Variants in RPN2 observed in about 807,000 individuals in gnomAD.
RPN2 encodes dolichyl-diphosphooligosaccharide--protein glycosyltransferase subunit 2.
In RPN2, 29 loss-of-function variants were observed where a neutral mutation model predicts 71.4. The ratio of observed to expected loss-of-function variants is 0.41; its 90% CI spans 0.30 to 0.55. The LOEUF (loss-of-function observed/expected upper bound fraction) is 0.55, where lower values mean the gene tolerates loss of function less well. RPN2 is among the 20% of genes least tolerant of loss of function. The probability of loss-of-function intolerance (pLI) is 0.35; values close to 1 mark genes in which losing one functional copy is unlikely to be tolerated. For missense variants in RPN2, 726 were observed against 774.1 expected (o/e 0.94, Z 0.74); for synonymous variants, 308 against 305.0 (o/e 1.01, Z -0.10).
At chr20:37,228,805 T>C (rs758933814) in intron 12 of RPN2, 61 bp downstream of exon 12, 1 of 1,531,216 alleles carries the variant, frequency 6.5e-7, no homozygotes, top group Non-Finnish European at 9.0e-7. Context: ...CACTGGTGGC[T>C]CTTTTTCAGG....
intron 9 of RPN2, among the ~76,000 whole-genome samples, chr20:37,216,121 C>G (rs1476052384): frequency 1.3e-5 from 2 of 152,110 alleles, no homozygotes; most frequent in African/African-American, 4.8e-5. Flanking sequence ...GGCGGATCAC[C>G]TGAGGTCAGG....
chr20:37,223,450 A>G (rs533139268), intron 9 of RPN2, among the ~76,000 whole-genome samples: 177 of 152,282 alleles, frequency 1.2e-3, no homozygotes, highest in Non-Finnish European at 1.9e-3. Flanking sequence ...AATTGTGAGG[A>G]TTAAATGAGA....
In RPN2 at chr20:37,204,080, C is replaced by A. The variant is rs186998875; in HGVS notation, c.555+120C>A. 363 of 745,244 alleles carry A rather than the reference C, an allele frequency of 4.9e-4. 5 individuals are homozygous for A. In the East Asian group the frequency reaches 9.2e-3, roughly 19 times the overall value. 46.2% of individuals were successfully genotyped at this position (745,244 alleles called of 1,614,324 possible). Reference sequence around the variant, plus strand: ...GTTACATTGCTTCTTATATCCATGGCACACTTGTGTTCTTTGTATTAAGGT... The same window carrying A: ...GTTACATTGCTTCTTATATCCATGGAACACTTGTGTTCTTTGTATTAAGGT... On this transcript the variant is annotated intron_variant, in intron 5 of 16. Coordinates refer to ENST00000237530, the MANE Select transcript of RPN2 (RefSeq NM_002951.5).
At chr20:37,201,591 A>G (rs1265183528) in intron 4 of RPN2, among the ~76,000 whole-genome samples, 1 of 152,178 alleles carries the variant, frequency 6.6e-6, no homozygotes, top group African/African-American at 2.4e-5. Context: ...TTGGAGCAGA[A>G]AGAACTGTGT....
chr20:37,180,681 C>T (rs1439685469), intron 1 of RPN2, among the ~76,000 whole-genome samples: 2 of 152,302 alleles, frequency 1.3e-5, no homozygotes, highest in East Asian at 3.9e-4. Context: ...TCTTTCTGTC[C>T]ATTAGCAGTT....
chr20:37,187,938 C>A (rs577245552), intron 2 of RPN2, among the ~76,000 whole-genome samples: 26 of 152,206 alleles, frequency 1.7e-4, no homozygotes, highest in Non-Finnish European at 2.9e-4. Context: ...CCACTGCGCC[C>A]AGCCCCTTGA....
At chr20:37,185,324 A>G (rs958899520) in intron 2 of RPN2, among the ~76,000 whole-genome samples, 7 of 151,704 alleles carry the variant, frequency 4.6e-5, no homozygotes, top group African/African-American at 1.5e-4. Context: ...TTCGTTAGAG[A>G]TGGGGTTTTG....
At chr20:37,208,444 A>G (rs187458079) in intron 7 of RPN2, among the ~76,000 whole-genome samples, 3 of 152,138 alleles carry the variant, frequency 2.0e-5, no homozygotes, top group East Asian at 1.9e-4. Flanking sequence ...CGGTCTCGCT[A>G]TGTCGCGCAG....
At position 37,223,901 on chromosome 20, in the gene RPN2, A is replaced by C. The variant is rs1456207927; in HGVS notation, c.1116A>C (p.Glu372Asp). 1.2e-6 allele frequency: 2 copies of C among 1,614,138 alleles called. No individual in the cohort carries two copies. The highest frequency in any genetic ancestry group is 1.7e-6 in the Non-Finnish European group (2 of 1,179,982). The change falls in exon 10 of 17, where the codon GAA becomes GAC. Residue 372 changes from glutamate to aspartate, a missense_variant. By Grantham distance (45) the Glu-to-Asp change is conservative. Transcript: ENST00000237530. ...AGCTCAGAGTCAAGATCTCCACTGA[A>C]GTTGGCATCACAAATGTTGATCTTT... ...TVELRVKISTEVGITNVDLST... is the reference protein window; with the variant it reads ...TVELRVKISTDVGITNVDLST...
intron 8 of RPN2, among the ~76,000 whole-genome samples, chr20:37,212,596 G>C (rs1055539053): frequency 2.0e-5 from 3 of 151,760 alleles, no homozygotes; most frequent in African/African-American, 7.3e-5. Flanking sequence ...TTCTGCCTCA[G>C]CTTCCTAAGT....
At chr20:37,236,195 C>T (rs1217773107) in intron 15 of RPN2, among the ~76,000 whole-genome samples, 1 of 152,112 alleles carries the variant, frequency 6.6e-6, no homozygotes, top group Non-Finnish European at 1.5e-5. Context: ...CAGGCTCAAG[C>T]GATCTTCCTA....
At chr20:37,219,220 G>T (rs2067894558) in intron 9 of RPN2, among the ~76,000 whole-genome samples, 1 of 152,126 alleles carries the variant, frequency 6.6e-6, no homozygotes, top group Non-Finnish European at 1.5e-5. Context: ...ATCGTAGTGG[G>T]TATAAAGTGG....
intron 1 of RPN2, chr20:37,179,628 G>C: frequency 1.2e-6 from 1 of 813,172 alleles, no homozygotes; most frequent in Non-Finnish European, 1.8e-6. Context: ...CAGCCGTGGG[G>C]ACCGCGGACG....
chr20:37,201,635 A>G (rs756132760), intron 4 of RPN2, among the ~76,000 whole-genome samples: 27 of 152,192 alleles, frequency 1.8e-4, no homozygotes, highest in Non-Finnish European at 3.4e-4. Context: ...CTCTGTGACC[A>G]TGAGTGGGTT....
chr20:37,218,565 AC>A (rs1324862331), intron 9 of RPN2, among the ~76,000 whole-genome samples: 2 of 151,992 alleles, frequency 1.3e-5, no homozygotes, highest in Non-Finnish European at 2.9e-5. Context: ...AACAAAAAAA[AC>A]AAAACTATGC....
intron 7 of RPN2, among the ~76,000 whole-genome samples, 174 bp from the exon 8 acceptor site, chr20:37,209,873 C>A (rs1376153555): frequency 6.6e-6 from 1 of 152,012 alleles, no homozygotes; most frequent in Non-Finnish European, 1.5e-5. Flanking sequence ...GTGACTCATG[C>A]CTGTAATAAT....
intron 9 of RPN2, among the ~76,000 whole-genome samples, chr20:37,217,224 C>T (rs2067831606): frequency 6.6e-6 from 1 of 151,838 alleles, no homozygotes; most frequent in African/African-American, 2.4e-5. Flanking sequence ...GAACCACCAC[C>T]TGCATTGCTT....
At chr20:37,226,474 C>T (rs550113208) in intron 11 of RPN2, among the ~76,000 whole-genome samples, 1 of 152,212 alleles carries the variant, frequency 6.6e-6, no homozygotes, top group Non-Finnish European at 1.5e-5. Flanking sequence ...CACTTGAGCC[C>T]AGGAGTTGGA....
At chr20:37,236,214 T>A (rs2068385110) in intron 15 of RPN2, among the ~76,000 whole-genome samples, 1 of 152,086 alleles carries the variant, frequency 6.6e-6, no homozygotes. Flanking sequence ...TACCTCAGCC[T>A]CCTAAGTAGC....
Sources: gnomAD v4.1 joint callset for allele counts (sites outside exome capture counted in the v4.1 genomes callset) on GRCh38, gnomAD v4.1.1 for gene constraint, MANE v1.5 for transcripts, NCBI Gene and HGNC (gene_info 2026-07-23, HGNC 2026-07-21) for gene names.